The following KAZN variants were observed in gnomAD, a reference collection of about 807,000 sequenced individuals.
KAZN encodes kazrin, periplakin interacting protein, also known as kazrin.
KAZN carries 40 observed loss-of-function variants against 87.4 expected under a neutral mutation model. The ratio of observed to expected loss-of-function variants is 0.46; its 90% CI spans 0.36 to 0.60. KAZN has a LOEUF of 0.60. Among genes scored for constraint, KAZN ranks in the 20% least tolerant of loss-of-function variants. KAZN has a pLI of 0.00. For synonymous variants in KAZN, 466 were observed against 458.3 expected, an observed-to-expected ratio of 1.02 and a Z score of -0.22; for missense variants, 898 against 1,073.9, an observed-to-expected ratio of 0.84 and a Z score of 2.29.
chr1:14,135,631 G>A (rs561835753), intron 1 of KAZN, among the ~76,000 whole-genome samples: 15 of 152,280 alleles, frequency 9.9e-5, no homozygotes, highest in East Asian at 3.9e-4. Context: ...GTTGGAAGCC[G>A]TTTTAATTTC....
chr1:14,477,822 C>T (rs1194993956), intron 2 of KAZN, among the ~76,000 whole-genome samples: 2 of 152,176 alleles, frequency 1.3e-5, no homozygotes, highest in Non-Finnish European at 2.9e-5. Flanking sequence ...CCAGGGCCAA[C>T]GCTGCCCATT....
chr1:14,689,342 A>C (rs1204335872), intron 1 of KAZN, among the ~76,000 whole-genome samples: 1 of 152,184 alleles, frequency 6.6e-6, no homozygotes, highest in African/African-American at 2.4e-5. Context: ...ACTCCCACCC[A>C]AGTGATGACT....
At chr1:14,418,743 AG>A (rs1409082416) in intron 2 of KAZN, among the ~76,000 whole-genome samples, 1 of 152,210 alleles carries the variant, frequency 6.6e-6, no homozygotes, top group Non-Finnish European at 1.5e-5. Context: ...GGCAGGCCAA[AG>A]GACTCTCCCT....
upstream of KAZN, among the ~76,000 whole-genome samples, chr1:14,597,528 G>T (rs1676589513): frequency 6.6e-6 from 1 of 152,092 alleles, no homozygotes; most frequent in African/African-American, 2.4e-5. Flanking sequence ...CCTAAAATGG[G>T]AATAATAATC....
chr1:14,806,189 G>A (rs1310128559), intron 1 of KAZN, among the ~76,000 whole-genome samples: 1 of 152,132 alleles, frequency 6.6e-6, no homozygotes, highest in East Asian at 1.9e-4. Flanking sequence ...TCAAGGGTGT[G>A]GCCAATCTCC....
intron 2 of KAZN, among the ~76,000 whole-genome samples, chr1:14,334,831 C>G (rs1657112910): frequency 6.6e-6 from 1 of 152,042 alleles, no homozygotes; most frequent in African/African-American, 2.4e-5. Flanking sequence ...GAGAGACAGA[C>G]AGACACAGGA....
At chr1:14,958,996 A>C (rs1173601070) in intron 1 of KAZN, among the ~76,000 whole-genome samples, 1 of 152,242 alleles carries the variant, frequency 6.6e-6, no homozygotes, top group Non-Finnish European at 1.5e-5. Context: ...AACAGACTCA[A>C]GTTCCCGCCC....
At chr1:14,276,163 GTGTGTGT>G (rs1557610036) in intron 2 of KAZN, among the ~76,000 whole-genome samples, 15 of 49,602 alleles carry the variant, frequency 3.0e-4, no homozygotes, top group East Asian at 3.3e-3. Context: ...CTATAAGGGT[GTGTGTGT>G]GTGTGTGTGT....
At chr1:14,912,144 CAAAAAAAAAAAAA>C (rs34227761) in intron 1 of KAZN, among the ~76,000 whole-genome samples, 2 of 81,730 alleles carry the variant, frequency 2.4e-5, no homozygotes, top group Admixed American at 1.5e-4. Flanking sequence ...GACTCCACCT[CAAAAAAAAAAAAA>C]AAAAAAAAAA....
At chr1:14,555,757 G>A (rs1486871410) in intron 2 of KAZN, among the ~76,000 whole-genome samples, 3 of 152,168 alleles carry the variant, frequency 2.0e-5, no homozygotes, top group East Asian at 3.9e-4. Flanking sequence ...TGAGTCCACC[G>A]TGCCTTACCC....
At chr1:14,977,986 T>G (rs6429697) in intron 2 of KAZN, among the ~76,000 whole-genome samples, 27,297 of 147,806 alleles carry the variant, frequency 0.18, 2,710 homozygotes, top group African/African-American at 0.25. Context: ...TCCATCTCCC[T>G]GGTTCAAGCG....
intron 2 of KAZN, among the ~76,000 whole-genome samples, chr1:14,513,464 G>A (rs951505446): frequency 1.3e-5 from 2 of 152,176 alleles, no homozygotes; most frequent in African/African-American, 4.8e-5. Context: ...CTTGTGTTAT[G>A]TGTACGAGTG....
chr1:14,855,313 T>C (rs938548945), intron 1 of KAZN, among the ~76,000 whole-genome samples: 1 of 152,246 alleles, frequency 6.6e-6, no homozygotes, highest in African/African-American at 2.4e-5. Context: ...CCAGTCCTGC[T>C]GATAAGGAGT....
chr1:14,977,335 A>T (rs1026468883), intron 2 of KAZN, among the ~76,000 whole-genome samples: 3 of 152,162 alleles, frequency 2.0e-5, no homozygotes, highest in African/African-American at 7.2e-5. Context: ...GGCACTGGGT[A>T]GGTGCTCAGG....
chr1:14,015,244 C>A (rs925501720), intron 1 of KAZN, among the ~76,000 whole-genome samples: 1 of 151,914 alleles, frequency 6.6e-6, no homozygotes, highest in Admixed American at 6.6e-5. Flanking sequence ...ACCAGACTTT[C>A]CTCTTCTTTT....
chr1:14,762,781 C>A (rs1245497823), intron 1 of KAZN, among the ~76,000 whole-genome samples: 2 of 152,034 alleles, frequency 1.3e-5, no homozygotes, highest in African/African-American at 4.8e-5. Context: ...CTTCTCCACC[C>A]CACAGGGGCC....
At chr1:15,089,957 T>A (rs980027586) in intron 8 of KAZN, among the ~76,000 whole-genome samples, 1 of 152,178 alleles carries the variant, frequency 6.6e-6, no homozygotes, top group African/African-American at 2.4e-5. Flanking sequence ...ACAGTCCTTA[T>A]CTCAAACATG....
chr1:14,003,999 A>G (rs967490991), intron 1 of KAZN, among the ~76,000 whole-genome samples: 1 of 152,230 alleles, frequency 6.6e-6, no homozygotes, highest in African/African-American at 2.4e-5. Flanking sequence ...TTTACATAAT[A>G]TATAAAGGCC....
intron 2 of KAZN, among the ~76,000 whole-genome samples, chr1:14,199,651 G>C (rs546797378): frequency 2.8e-4 from 43 of 152,280 alleles, no homozygotes; most frequent in Middle Eastern, 3.4e-3. Flanking sequence ...AAGAAAAATT[G>C]ACAATAGTTG....
Sources: gnomAD v4.1 joint callset for allele counts (sites outside exome capture counted in the v4.1 genomes callset) on GRCh38, gnomAD v4.1.1 for gene constraint, MANE v1.5 for transcripts, NCBI Gene and HGNC (gene_info 2026-07-23, HGNC 2026-07-21) for gene names.